The following EVL variants were observed in gnomAD, a reference collection of about 807,000 sequenced individuals.
The protein encoded by EVL is Enah/Vasp-like.
Under a neutral mutation model 59.6 loss-of-function variants are expected in EVL, and 21 were observed. The observed-to-expected ratio is 0.35, with a 90% CI of 0.25 to 0.51. EVL has a LOEUF of 0.51. Among genes scored for constraint, EVL ranks in the 20% least tolerant of loss-of-function variants. EVL has a pLI of 0.97. For synonymous variants in EVL, 198 were observed against 203.5 expected (o/e 0.97, Z 0.23); for missense variants, 462 against 546.6 (o/e 0.85, Z 1.54).
At chr14:100,076,974 TGAGGAAA>T (rs1175562195) in intron 1 of EVL, among the ~76,000 whole-genome samples, 7 of 151,938 alleles carry the variant, frequency 4.6e-5, no homozygotes, top group Non-Finnish European at 8.8e-5. Context: ...ATAAAGAAGA[TGAGGAAA>T]GAGGAAAGAT....
At chr14:100,133,767 A>C (rs2140393477) in intron 8 of EVL, among the ~76,000 whole-genome samples, 1 of 152,286 alleles carries the variant, frequency 6.6e-6, no homozygotes, top group African/African-American at 2.4e-5. Flanking sequence ...GTGAAACGTC[A>C]TCTCTACTAA....
intron 1 of EVL, among the ~76,000 whole-genome samples, chr14:100,056,099 C>G (rs1051522458): frequency 2.0e-5 from 3 of 151,834 alleles, no homozygotes; most frequent in Admixed American, 2.0e-4. Flanking sequence ...CGTGAGCCAC[C>G]GCGCCTGGCC....
chr14:100,121,010 G>T (rs1337797851), intron 3 of EVL, among the ~76,000 whole-genome samples: 1 of 152,228 alleles, frequency 6.6e-6, no homozygotes, highest in African/African-American at 2.4e-5. Context: ...CCTGACTCCT[G>T]TGGAATCCAA....
intron 3 of EVL, among the ~76,000 whole-genome samples, chr14:100,105,841 A>G (rs1028442671): frequency 6.6e-6 from 1 of 152,128 alleles, no homozygotes; most frequent in Admixed American, 6.5e-5. Context: ...GCTTGGCCAC[A>G]TCCCAACTGA....
chr14:100,021,987 C>A lies in EVL; in HGVS notation c.5+49930C>A, dbSNP rs1173379764. ...GAACTTGGTTTTATAATCTCGGTGC[C>A]GCTATGAACTAACTTGGTGGGCTTG... On this transcript the variant is annotated intron_variant, in intron 1 of 13. Transcript: ENST00000402714. Among the ~76,000 whole-genome samples the A allele has an allele frequency of 2.6e-5, 4 of 151,660 alleles. No individual in the cohort carries two copies. The East Asian group carries it at 7.7e-4, about 29-fold the overall frequency.
chr14:100,112,371 A>G (rs1232928703), intron 3 of EVL, among the ~76,000 whole-genome samples: 5 of 152,002 alleles, frequency 3.3e-5, no homozygotes, highest in Non-Finnish European at 7.4e-5. Flanking sequence ...CATTTAGCCC[A>G]CTCTGATCCA....
intron 1 of EVL, among the ~76,000 whole-genome samples, chr14:100,075,866 G>T (rs1351693757): frequency 6.6e-6 from 1 of 152,152 alleles, no homozygotes; most frequent in African/African-American, 2.4e-5. Context: ...ATCAGCTCCG[G>T]TTTACAGACA....
chr14:100,089,775 A>AT (rs1446219207), intron 2 of EVL, among the ~76,000 whole-genome samples: 1 of 152,128 alleles, frequency 6.6e-6, no homozygotes, highest in Non-Finnish European at 1.5e-5. Flanking sequence ...CCAACAAAAA[A>AT]TTTTTTAATT....
intron 1 of EVL, among the ~76,000 whole-genome samples, chr14:99,990,870 C>T (rs889471952): frequency 1.3e-5 from 2 of 151,916 alleles, no homozygotes; most frequent in Admixed American, 6.6e-5. Flanking sequence ...GATACATACC[C>T]GGAAATGGTT....
intron 2 of EVL, among the ~76,000 whole-genome samples, chr14:100,095,042 AAAAACAAAACAAAAC>A (rs898015508): frequency 6.6e-6 from 1 of 152,234 alleles, no homozygotes; most frequent in African/African-American, 2.4e-5. Flanking sequence ...CTCCGTCTAA[AAAAACAAAACAAAAC>A]AAAACAAAAA....
chr14:100,058,355 T>C (rs1481369035), intron 1 of EVL, among the ~76,000 whole-genome samples: 1 of 152,256 alleles, frequency 6.6e-6, no homozygotes, highest in African/African-American at 2.4e-5. Flanking sequence ...TGTGTGAGTG[T>C]TGATGCCCGT....
intron 7 of EVL, among the ~76,000 whole-genome samples, chr14:100,131,267 G>A (rs1424005130): frequency 6.6e-6 from 1 of 152,234 alleles, no homozygotes; most frequent in Non-Finnish European, 1.5e-5. Context: ...TTCTGTCTGA[G>A]AACAGGAAAA....
intron 1 of EVL, among the ~76,000 whole-genome samples, chr14:99,986,290 C>CAA (rs3072366): frequency 0.011 from 845 of 78,280 alleles, 7 homozygotes; most frequent in Middle Eastern, 0.019. Flanking sequence ...GACTCTGTCT[C>CAA]AAAAAAAAAA....
chr14:99,988,472 C>T (rs1056151228), intron 1 of EVL, among the ~76,000 whole-genome samples: 4 of 152,254 alleles, frequency 2.6e-5, no homozygotes, highest in East Asian at 3.9e-4. Context: ...TTGGAGCCCT[C>T]GTACATTGCT....
intron 1 of EVL, among the ~76,000 whole-genome samples, chr14:100,010,212 G>T (rs1248442618): frequency 2.0e-5 from 3 of 152,160 alleles, no homozygotes; most frequent in Non-Finnish European, 4.4e-5. Flanking sequence ...AAAACATTTT[G>T]ATTTTCTTCC....
chr14:100,035,515 C>T (rs1329751741), intron 1 of EVL, among the ~76,000 whole-genome samples: 5 of 151,724 alleles, frequency 3.3e-5, no homozygotes, highest in African/African-American at 1.2e-4. Context: ...AATGTGCTGC[C>T]GTTTTGCATA....
intron 9 of EVL, among the ~76,000 whole-genome samples, chr14:100,136,831 A>G (rs1206631656): frequency 6.6e-6 from 1 of 152,202 alleles, no homozygotes; most frequent in Non-Finnish European, 1.5e-5. Context: ...TGAGTGGGCT[A>G]CGTGGTTCCC....
At chr14:99,992,299 CG>C (rs1335392053) in intron 1 of EVL, among the ~76,000 whole-genome samples, 1 of 151,814 alleles carries the variant, frequency 6.6e-6, no homozygotes, top group East Asian at 1.9e-4. Flanking sequence ...TTAAATGGGT[CG>C]TTTTTTTCAT....
intron 3 of EVL, among the ~76,000 whole-genome samples, chr14:100,102,038 A>G (rs1886254961): frequency 1.3e-5 from 2 of 152,134 alleles, no homozygotes. Context: ...AGGTTTCACC[A>G]TGTTGGCCAG....
Sources: allele counts gnomAD v4.1 joint callset (sites outside exome capture counted in the v4.1 genomes callset), GRCh38; gene constraint gnomAD v4.1.1; transcripts MANE v1.5; gene names NCBI Gene and HGNC (gene_info 2026-07-23, HGNC 2026-07-21).